Variants in DLC1 observed in about 807,000 individuals in gnomAD.
The protein encoded by DLC1 is DLC1 Rho GTPase activating protein, also known as rho GTPase-activating protein 7.
In DLC1, 54 loss-of-function variants were observed where a neutral mutation model predicts 140.3. The ratio of observed to expected loss-of-function variants is 0.38; its 90% CI spans 0.31 to 0.48. The LOEUF (loss-of-function observed/expected upper bound fraction) is 0.48, where lower values mean the gene tolerates loss of function less well. DLC1 is among the 20% of genes least tolerant of loss of function. The pLI, the probability that DLC1 is intolerant of heterozygous loss-of-function variation, is 0.96. For missense variants in DLC1, 2,536 were observed against 1,907.0 expected (o/e 1.33, Z -6.14); for synonymous variants, 986 against 728.1 (o/e 1.35, Z -5.70).
At chr8:13,582,397 T>G (rs1248108383) in intron 1 of DLC1, among the ~76,000 whole-genome samples, 1 of 152,150 alleles carries the variant, frequency 6.6e-6, no homozygotes, top group East Asian at 1.9e-4. Flanking sequence ...CCAAAGGAGA[T>G]TAACATTTGA....
chr8:13,267,789 C>T (rs951008548), intron 5 of DLC1, among the ~76,000 whole-genome samples: 2 of 148,926 alleles, frequency 1.3e-5, no homozygotes, highest in African/African-American at 4.9e-5. Flanking sequence ...CCTAGATGTG[C>T]TCATTACCTG....
chr8:13,501,106 C>T (rs1801791668), intron 1 of DLC1, among the ~76,000 whole-genome samples: 1 of 152,110 alleles, frequency 6.6e-6, no homozygotes, highest in African/African-American at 2.4e-5. Flanking sequence ...TTCAAGTGAA[C>T]ATAAAGGAAG....
chr8:13,232,139 G>A (rs905380789), intron 5 of DLC1, among the ~76,000 whole-genome samples: 6 of 152,074 alleles, frequency 3.9e-5, no homozygotes, highest in Non-Finnish European at 7.4e-5. Context: ...ACAATTTAGG[G>A]TCAGTGGCAA....
chr8:13,196,323 T>C (rs919175949), intron 5 of DLC1, among the ~76,000 whole-genome samples: 2 of 152,146 alleles, frequency 1.3e-5, no homozygotes, highest in Admixed American at 1.3e-4. Flanking sequence ...AAAAAATATT[T>C]TATTATTGTG....
chr8:13,191,926 GATT>G (rs143940185), intron 5 of DLC1, among the ~76,000 whole-genome samples: 10,007 of 141,856 alleles, frequency 0.071, 446 homozygotes, highest in African/African-American at 0.13. Context: ...GGAGTGGCCT[GATT>G]ATTATTATTA....
chr8:13,535,818 G>C (rs972187688), intron 1 of DLC1, among the ~76,000 whole-genome samples: 1 of 151,828 alleles, frequency 6.6e-6, no homozygotes, highest in African/African-American at 2.4e-5. Flanking sequence ...TTATAACTCT[G>C]ATTATCTACT....
At chr8:13,426,462 A>G (rs562048179) in intron 2 of DLC1, among the ~76,000 whole-genome samples, 11 of 152,284 alleles carry the variant, frequency 7.2e-5, no homozygotes, top group African/African-American at 2.6e-4. Context: ...CTGTATTTTA[A>G]TAAATACCTT....
intron 2 of DLC1, among the ~76,000 whole-genome samples, chr8:13,495,848 C>A (rs1024370687): frequency 3.3e-5 from 5 of 152,132 alleles, no homozygotes; most frequent in Non-Finnish European, 7.4e-5. Context: ...TTTTGAAGAT[C>A]CCCCTTATAA....
chr8:13,337,429 A>T (rs1262519166), intron 4 of DLC1, among the ~76,000 whole-genome samples: 1 of 152,180 alleles, frequency 6.6e-6, no homozygotes, highest in East Asian at 1.9e-4. Flanking sequence ...TTCAAAGGTC[A>T]TGTTGCAGAA....
At chr8:13,570,865 C>G (rs180907372) in intron 1 of DLC1, among the ~76,000 whole-genome samples, 1 of 152,220 alleles carries the variant, frequency 6.6e-6, no homozygotes, top group East Asian at 1.9e-4. Context: ...TACCCTGTAA[C>G]TATTCAACCT....
At chr8:13,233,929 A>G (rs927982565) in intron 5 of DLC1, among the ~76,000 whole-genome samples, 2 of 152,198 alleles carry the variant, frequency 1.3e-5, no homozygotes, top group African/African-American at 2.4e-5. Flanking sequence ...AGGCTAGTAT[A>G]ACATTAAATG....
chr8:13,188,801 G>GTGTA (rs1293675412), intron 5 of DLC1, among the ~76,000 whole-genome samples: 18 of 71,896 alleles, frequency 2.5e-4, no homozygotes, highest in African/African-American at 1.1e-3. Context: ...GTGTGTGTGT[G>GTGTA]TATATATATA....
chr8:13,566,801 C>T (rs556322835), intron 1 of DLC1: 36 of 711,970 alleles, frequency 5.1e-5, no homozygotes, highest in Non-Finnish European at 7.5e-5. Context: ...GGCGGGACGC[C>T]GCATGGTGGC....
At chr8:13,422,916 T>C (rs916047847) in intron 2 of DLC1, among the ~76,000 whole-genome samples, 1 of 152,050 alleles carries the variant, frequency 6.6e-6, no homozygotes, top group Non-Finnish European at 1.5e-5. Context: ...GACAATTACA[T>C]TGAGCCTTGA....
intron 4 of DLC1, 147 bp from the exon 5 acceptor site, chr8:13,305,449 A>C: frequency 1.3e-6 from 1 of 745,150 alleles, no homozygotes; most frequent in Non-Finnish European, 2.1e-6. Flanking sequence ...TATCAGTAAA[A>C]TCACTAGAGC....
chr8:13,472,448 AT>A (rs1217908497), intron 2 of DLC1, among the ~76,000 whole-genome samples: 18 of 152,334 alleles, frequency 1.2e-4, no homozygotes, highest in African/African-American at 4.3e-4. Context: ...TTTGAAATTG[AT>A]TCATATTCTT....
intron 2 of DLC1, among the ~76,000 whole-genome samples, chr8:13,403,463 C>T (rs1837386037): frequency 6.6e-6 from 1 of 152,084 alleles, no homozygotes; most frequent in South Asian, 2.1e-4. Flanking sequence ...TTCCCATGGG[C>T]TTCATTATAT....
intron 1 of DLC1, among the ~76,000 whole-genome samples, chr8:13,543,448 G>T (rs930146526): frequency 3.9e-5 from 6 of 152,106 alleles, no homozygotes; most frequent in African/African-American, 1.4e-4. Flanking sequence ...CCAGTAGGAG[G>T]ATTGTTGGAT....
intron 5 of DLC1, chr8:13,214,428 C>A: frequency 4.0e-6 from 2 of 496,250 alleles, no homozygotes; most frequent in Non-Finnish European, 7.1e-6. Flanking sequence ...AAGGACCTTG[C>A]AGCTTTGCAC....
Sources: gnomAD v4.1 joint callset for allele counts (sites outside exome capture counted in the v4.1 genomes callset) on GRCh38, gnomAD v4.1.1 for gene constraint, MANE v1.5 for transcripts, NCBI Gene and HGNC (gene_info 2026-07-23, HGNC 2026-07-21) for gene names.